Variants in SAMD8 observed in about 807,000 individuals in gnomAD.
The protein encoded by SAMD8 is sterile alpha motif domain containing 8, also known as sphingomyelin synthase-related protein 1.
A neutral mutation model predicts 42.0 loss-of-function variants in SAMD8; 20 were observed. That is an observed-to-expected ratio of 0.48 (90% confidence interval 0.34 to 0.69). SAMD8 has a LOEUF of 0.69. Among genes scored for constraint, SAMD8 ranks in the 30% least tolerant of loss-of-function variants. The pLI is 0.01. For synonymous variants in SAMD8, 162 were observed against 173.0 expected (o/e 0.94, Z 0.50); for missense variants, 328 against 511.6 (o/e 0.64, Z 3.46).
In SAMD8 at chr10:75,156,674, A is replaced by T. The variant is rs192007089; in HGVS notation, c.578+5568A>T. Among the ~76,000 whole-genome samples the T allele has an allele frequency of 3.3e-5, 5 of 152,254 alleles. No homozygotes were observed. In the East Asian group the frequency reaches 9.6e-4, roughly 29 times the overall value. On this transcript the variant is annotated intron_variant, in intron 2 of 5. Coordinates refer to ENST00000542569, the MANE Select transcript of SAMD8 (RefSeq NM_001174156.2). ...AAACTTTAACCTATATCTAATCACG[A>T]AGAAACAATCAGACAAATCCAGAAC...
rs188265744 is a variant in SAMD8 at position 75,156,619 on chromosome 10, C to A, written c.578+5513C>A. 3.3e-5 allele frequency among the ~76,000 whole-genome samples: 5 copies of A among 151,842 alleles called. No individual in the cohort carries two copies. The East Asian group carries it at 9.7e-4, about 29-fold the overall frequency. ...ATTGGACGTGATGTCCACAGCATCA[C>A]CTATGTAATCATCTTGTCCAAAAAA... On this transcript the variant is annotated intron_variant, in intron 2 of 5. Transcript: ENST00000542569.
intron 1 of SAMD8, among the ~76,000 whole-genome samples, chr10:75,122,358 T>C (rs751260779): frequency 9.2e-5 from 14 of 152,026 alleles, no homozygotes; most frequent in Non-Finnish European, 1.0e-4. Flanking sequence ...ACGCCTGTAA[T>C]CTCAGCACTT....
At chr10:75,127,251 T>C (rs562196686) in intron 1 of SAMD8, among the ~76,000 whole-genome samples, 2 of 152,170 alleles carry the variant, frequency 1.3e-5, no homozygotes, top group East Asian at 3.9e-4. Flanking sequence ...TGCTGATAAC[T>C]AGAAAATATT....
At chr10:75,099,673 G>C in exon 1 of SAMD8, 1 of 621,358 alleles carries the variant, frequency 1.6e-6, no homozygotes, top group Non-Finnish European at 2.3e-6. Flanking sequence ...ATCTGTTTGG[G>C]ATTGAAGACC....
At chr10:75,125,249 C>G (rs1256420127) in intron 1 of SAMD8, 2 of 152,244 alleles carry the variant, frequency 1.3e-5, no homozygotes, top group African/African-American at 4.8e-5. Flanking sequence ...AAAAGGGCTA[C>G]TGCCTTATGC....
chr10:75,171,900 C>T (rs1840876747), intron 4 of SAMD8, among the ~76,000 whole-genome samples: 1 of 152,092 alleles, frequency 6.6e-6, no homozygotes, highest in Admixed American at 6.5e-5. Flanking sequence ...GTGGCGGGCA[C>T]CTGTAATCCC....
chr10:75,160,982 G>A (rs529923471), intron 2 of SAMD8, among the ~76,000 whole-genome samples: 230 of 152,206 alleles, frequency 1.5e-3, no homozygotes, highest in Non-Finnish European at 2.7e-3. Context: ...GTGGGAGGAT[G>A]GCTTGATCCC....
In SAMD8 at chr10:75,124,240, T is replaced by C. The variant is rs1349767439; in HGVS notation, c.-16+12518T>C. Among the ~76,000 whole-genome samples the C allele has an allele frequency of 2.0e-5, 3 of 152,258 alleles. No homozygotes were observed. The East Asian group carries it at 5.8e-4, about 29-fold the overall frequency. ...AGAGTCTTCTTATGTTTATTTTATA[T>C]ATAATGTCCATAGAGTAATAGGAAA... On this transcript the variant is annotated intron_variant, in intron 1 of 5. Transcript: ENST00000542569.
intron 1 of SAMD8, among the ~76,000 whole-genome samples, chr10:75,104,506 G>T (rs1280982492): frequency 6.6e-6 from 1 of 152,154 alleles, no homozygotes; most frequent in Non-Finnish European, 1.5e-5. Context: ...AGAGGTCAGG[G>T]AGCCTAAGGC....
chr10:75,107,965 G>GA, upstream of SAMD8: 1 of 1,593,038 alleles, frequency 6.3e-7, no homozygotes, highest in South Asian at 1.1e-5. Flanking sequence ...AGCAAGATGG[G>GA]ATATGGGCTT....
In SAMD8 at chr10:75,179,592, A is replaced by AT. The variant is rs1841046524; in HGVS notation, c.*2901dup. The AT allele has an allele frequency of 6.6e-6, 1 of 152,216 alleles. No homozygotes were observed. Among genetic ancestry groups the AT allele is most frequent in the Non-Finnish European group, 1.5e-5 (1 of 68,026 alleles). 9.4% of individuals were successfully genotyped at this position (152,216 alleles called of 1,614,324 possible). Reference sequence around the variant, plus strand: ...GGTATAACTTATTGTTTTAACTATTATAAGGCAGTGTTTACATAAATTAAT... The same window carrying AT: ...GGTATAACTTATTGTTTTAACTATTATTAAGGCAGTGTTTACATAAATTAAT... On this transcript the variant is annotated 3_prime_UTR_variant, in exon 6 of 6. Transcript: ENST00000542569.
chr10:75,140,875 C>T (rs1431680225), intron 1 of SAMD8, among the ~76,000 whole-genome samples: 1 of 152,092 alleles, frequency 6.6e-6, no homozygotes, highest in Admixed American at 6.6e-5. Context: ...ATTCTTCTGA[C>T]CTACTCATTT....
Position 75,176,708 on chromosome 10 carries a change from T to C in SAMD8, c.*16T>C, listed in dbSNP as rs1190440435. On this transcript the variant is annotated 3_prime_UTR_variant, in exon 6 of 6. Transcript: ENST00000542569. This position sits in a 1 kb window ranked among gnomAD's most constrained non-coding sequence, Gnocchi z 4.3. Reference sequence around the variant, plus strand: ...AATTGGATGAATACTATCTTTCTAATGAATTTGTGATTAAATATATAATAG... The same window carrying C: ...AATTGGATGAATACTATCTTTCTAACGAATTTGTGATTAAATATATAATAG... 1.4e-6 allele frequency: 2 copies of C among 1,478,238 alleles called. No homozygotes were observed. The highest frequency in any genetic ancestry group is 1.8e-6 in the Non-Finnish European group (2 of 1,106,518). 91.6% of individuals were successfully genotyped at this position (1,478,238 alleles called of 1,614,324 possible).
chr10:75,143,584 T>A (rs1840068866), intron 1 of SAMD8, among the ~76,000 whole-genome samples: 1 of 152,096 alleles, frequency 6.6e-6, no homozygotes, highest in South Asian at 2.1e-4. Context: ...GTACTTTATG[T>A]TGTTTCACTG....
intron 1 of SAMD8, among the ~76,000 whole-genome samples, chr10:75,124,289 G>A (rs1849075410): frequency 6.6e-6 from 1 of 151,974 alleles, no homozygotes; most frequent in Non-Finnish European, 1.5e-5. Flanking sequence ...CCATCTTCCT[G>A]CAAGCAGAAA....
chr10:75,164,457 G>T (rs1840629966), intron 2 of SAMD8, 188 bp from the exon 3 acceptor site: 2 of 964,822 alleles, frequency 2.1e-6, no homozygotes, highest in African/African-American at 3.5e-5. Context: ...CAAGAAACAG[G>T]TTCCGATAGG....
chr10:75,150,166 C>T (rs1258896949), intron 1 of SAMD8, among the ~76,000 whole-genome samples: 3 of 151,396 alleles, frequency 2.0e-5, no homozygotes, highest in African/African-American at 7.3e-5. Context: ...GGCTGGAGTG[C>T]AGTGGCACAA....
chr10:75,168,047 A>G (rs2132205685), intron 3 of SAMD8, among the ~76,000 whole-genome samples: 1 of 151,708 alleles, frequency 6.6e-6, no homozygotes. Context: ...CCCAGGCTGG[A>G]GTGCAATGGC....
intron 4 of SAMD8, among the ~76,000 whole-genome samples, chr10:75,172,885 C>T (rs1245113191): frequency 6.6e-6 from 1 of 152,082 alleles, no homozygotes. Flanking sequence ...CTTTCCATCT[C>T]CACCTCTCAA....
Sources: gnomAD v4.1 joint callset for allele counts (sites outside exome capture counted in the v4.1 genomes callset) on GRCh38, gnomAD v4.1.1 for gene constraint, Gnocchi (gnomAD v3.1) non-coding constraint, MANE v1.5 for transcripts, NCBI Gene and HGNC (gene_info 2026-07-23, HGNC 2026-07-21) for gene names.